ITPR1: variants seen among roughly 807,000 people sequenced by gnomAD.
ITPR1 encodes inositol 1,4,5-trisphosphate-gated calcium channel ITPR1.
ITPR1 carries 96 observed loss-of-function variants against 318.4 expected under a neutral mutation model. That is an observed-to-expected ratio of 0.30 (90% CI 0.26 to 0.36). The LOEUF (loss-of-function observed/expected upper bound fraction) is 0.36, where lower values mean the gene tolerates loss of function less well. Ranked by LOEUF, ITPR1 falls within the 10% of genes least tolerant of loss-of-function variation. ITPR1 has a pLI of 1.00. For missense variants in ITPR1, 2,440 were observed against 3,460.2 expected, an observed-to-expected ratio of 0.71 and a Z score of 7.40; for synonymous variants, 1,312 against 1,289.9, an observed-to-expected ratio of 1.02 and a Z score of -0.37.
intron 21 of ITPR1, 32 bp downstream of exon 21, chr3:4,673,419 A>G (rs376451528): frequency 5.1e-6 from 8 of 1,572,084 alleles, no homozygotes; most frequent in Middle Eastern, 1.7e-4. Flanking sequence ...CTCACTTTAC[A>G]TTATTCTGTG....
intron 55 of ITPR1, among the ~76,000 whole-genome samples, chr3:4,810,529 C>T (rs943089769): frequency 6.6e-6 from 1 of 152,240 alleles, no homozygotes; most frequent in Non-Finnish European, 1.5e-5. Flanking sequence ...GCAATGTTAA[C>T]GTCACTAATG....
At chr3:4,789,596 GTTTTGT>G (rs71053444) in intron 52 of ITPR1, among the ~76,000 whole-genome samples, 16,746 of 108,008 alleles carry the variant, frequency 0.16, 998 homozygotes, top group Non-Finnish European at 0.18. Flanking sequence ...ATCCTGAGGT[GTTTTGT>G]TTTTGTTTTT....
intron 60 of ITPR1, among the ~76,000 whole-genome samples, chr3:4,823,426 G>A (rs1375225085): frequency 6.6e-6 from 1 of 152,096 alleles, no homozygotes; most frequent in Non-Finnish European, 1.5e-5. Context: ...ACAAATGAAT[G>A]GATAAAGAAA....
At chr3:4,808,466 A>G (rs1277729020) in intron 55 of ITPR1, among the ~76,000 whole-genome samples, 2 of 152,228 alleles carry the variant, frequency 1.3e-5, no homozygotes, top group African/African-American at 4.8e-5. Context: ...TCACAGAAAG[A>G]TAAGAGTAAC....
intron 2 of ITPR1, among the ~76,000 whole-genome samples, chr3:4,506,364 C>T (rs2081392136): frequency 6.6e-6 from 1 of 152,210 alleles, no homozygotes; most frequent in African/African-American, 2.4e-5. Flanking sequence ...TAGCCGTTTA[C>T]TCTACCTAAA....
intron 2 of ITPR1, among the ~76,000 whole-genome samples, chr3:4,503,477 G>C (rs540220706): frequency 6.6e-6 from 1 of 152,190 alleles, no homozygotes; most frequent in East Asian, 1.9e-4. Flanking sequence ...TGCAGAAGGC[G>C]TTACAGATAA....
intron 4 of ITPR1, among the ~76,000 whole-genome samples, chr3:4,527,708 A>G (rs17040840): frequency 0.061 from 9,356 of 152,252 alleles, 653 homozygotes; most frequent in African/African-American, 0.17. Flanking sequence ...TGATACTGGC[A>G]TGGAGAAGAG....
intron 34 of ITPR1, 43 bp downstream of exon 34, chr3:4,697,315 G>GGGGT (rs149795767): frequency 1.2e-4 from 102 of 864,092 alleles, no homozygotes; most frequent in Non-Finnish European, 1.6e-4. Context: ...GAGAGTGAGA[G>GGGGT]GTGTGTGTGT....
At chr3:4,601,231 A>C (rs1468660175) in intron 4 of ITPR1, among the ~76,000 whole-genome samples, 1 of 149,012 alleles carries the variant, frequency 6.7e-6, no homozygotes, top group African/African-American at 2.5e-5. Flanking sequence ...CAAAAAAGTA[A>C]AGTTGAGCCA....
chr3:4,681,614 A>AGG (rs2094299972), intron 26 of ITPR1, among the ~76,000 whole-genome samples, 196 bp downstream of exon 26: 1 of 87,658 alleles, frequency 1.1e-5, no homozygotes, highest in African/African-American at 4.4e-5. Context: ...TGAGAGAGAG[A>AGG]GAGAGAGAAA....
intron 4 of ITPR1, among the ~76,000 whole-genome samples, chr3:4,523,917 C>G (rs748985062): frequency 1.3e-5 from 2 of 152,186 alleles, no homozygotes; most frequent in Non-Finnish European, 2.9e-5. Context: ...AATAGTCTGA[C>G]AGAAGCTATT....
rs182817160 is a variant in ITPR1 at position 4,589,570 on chromosome 3, T to C, written c.164-38193T>C. On this transcript the variant is annotated intron_variant, in intron 4 of 61. Transcript: ENST00000649015. Reference sequence around the variant, plus strand: ...TAGTCTGGAATGACTGCTGTGGCCTTCTAGTAGTGGATCTCCTTGTTTCCA... The same window carrying C: ...TAGTCTGGAATGACTGCTGTGGCCTCCTAGTAGTGGATCTCCTTGTTTCCA... Among the ~76,000 whole-genome samples, 557 of 152,258 alleles carry C rather than the reference T, an allele frequency of 3.7e-3. 7 individuals are homozygous for C. The highest frequency in any genetic ancestry group is 0.013 in the African/African-American group (535 of 41,558).
At chr3:4,824,942 G>A (rs1489115485) in intron 60 of ITPR1, among the ~76,000 whole-genome samples, 1 of 152,174 alleles carries the variant, frequency 6.6e-6, no homozygotes, top group Non-Finnish European at 1.5e-5. Flanking sequence ...CCTCACCTTA[G>A]CTTGAAACAG....
chr3:4,677,357 A>T (rs2094205633), intron 24 of ITPR1, among the ~76,000 whole-genome samples: 1 of 152,336 alleles, frequency 6.6e-6, no homozygotes, highest in South Asian at 2.1e-4. Context: ...GACGTTAAAA[A>T]GTAAAGGAGG....
chr3:4,675,361 A>T, intron 23 of ITPR1, 113 bp downstream of exon 23: 1 of 738,138 alleles, frequency 1.4e-6, no homozygotes, highest in East Asian at 3.0e-5. Flanking sequence ...ATTCCTTCCC[A>T]ACTTTTCATC....
chr3:4,707,818 A>C (rs767053978), intron 37 of ITPR1, among the ~76,000 whole-genome samples: 74 of 152,190 alleles, frequency 4.9e-4, no homozygotes, highest in Non-Finnish European at 6.0e-4. Context: ...ATAGTTACTG[A>C]GTCTCTGTAC....
intron 4 of ITPR1, among the ~76,000 whole-genome samples, chr3:4,529,027 C>A (rs749386384): frequency 2.0e-5 from 3 of 152,160 alleles, no homozygotes; most frequent in African/African-American, 4.8e-5. Context: ...TGGAGTCCCA[C>A]ACACTGCAGC....
intron 6 of ITPR1, among the ~76,000 whole-genome samples, chr3:4,640,227 A>G (rs1473734578): frequency 1.3e-5 from 2 of 152,226 alleles, no homozygotes; most frequent in Admixed American, 6.5e-5. Context: ...TGTAAACCTT[A>G]CTAATTACAT....
At chr3:4,627,997 C>CTT in intron 5 of ITPR1, 119 bp downstream of exon 5, 1 of 598,656 alleles carries the variant, frequency 1.7e-6, no homozygotes, top group Non-Finnish European at 2.9e-6. Flanking sequence ...CAGCTTTCTA[C>CTT]TTTTTTTTTC....
Sources: allele counts gnomAD v4.1 joint callset (sites outside exome capture counted in the v4.1 genomes callset), GRCh38; gene constraint gnomAD v4.1.1; transcripts MANE v1.5; gene names NCBI Gene and HGNC (gene_info 2026-07-23, HGNC 2026-07-21).